Variants in LRBA observed in about 807,000 individuals in gnomAD.
LRBA encodes the protein lipopolysaccharide-responsive and beige-like anchor protein.
LRBA carries 176 observed loss-of-function variants against 330.0 expected under a neutral mutation model. That is an observed-to-expected ratio of 0.53 (90% CI 0.47 to 0.60). LRBA has a LOEUF of 0.60. Ranked by LOEUF, LRBA falls within the 20% of genes least tolerant of loss-of-function variation. The probability of loss-of-function intolerance (pLI) is 0.00; values close to 1 mark genes in which losing one functional copy is unlikely to be tolerated. For synonymous variants in LRBA, 1,230 were observed against 1,193.0 expected, an observed-to-expected ratio of 1.03 and a Z score of -0.64; for missense variants, 3,259 against 3,444.8, an observed-to-expected ratio of 0.95 and a Z score of 1.35.
intron 44 of LRBA, among the ~76,000 whole-genome samples, chr4:150,445,377 C>CTCTCTCTCTATATA (rs1454079183): frequency 1.3e-5 from 1 of 78,632 alleles, no homozygotes; most frequent in African/African-American, 4.4e-5. Context: ...CTCTCTCTCT[C>CTCTCTCTCTATATA]TATATATATA....
In LRBA at chr4:150,687,295, T is replaced by C. The variant is rs548590159; in HGVS notation, c.5755-3578A>G. ...TCTAGAATCAAATACATATTATTTA[T>C]TTGTAGTATACATATTTGTGTATGT... On this transcript the variant is annotated intron_variant, in intron 36 of 56. Transcript: ENST00000651943. Among the ~76,000 whole-genome samples, 3 of 152,218 alleles carry C rather than the reference T, an allele frequency of 2.0e-5. No individual in the cohort carries two copies. In the East Asian group the frequency reaches 5.8e-4, roughly 29 times the overall value.
rs1379031854 is a variant in LRBA at position 150,908,816 on chromosome 4, A to G, written c.1203T>C (p.Ala401=). The G allele has an allele frequency of 6.2e-7, 1 of 1,613,766 alleles. No homozygotes were observed. The highest frequency in any genetic ancestry group is 8.5e-7 in the Non-Finnish European group (1 of 1,179,832). The change falls in exon 10 of 57, where the codon GCT becomes GCC. Residue 401 remains alanine (A), a synonymous_variant. Transcript: ENST00000651943. The part of the protein sequence containing the change: ...KFKAESDLFL[A]EHHKLLLYDG... Reference sequence around the variant, plus strand: ...CGTACAATAAAAGTTTGTGATGCTCAGCAAGGAAAAGGTCGCTTTCTGCTT... The same window carrying G: ...CGTACAATAAAAGTTTGTGATGCTCGGCAAGGAAAAGGTCGCTTTCTGCTT...
intron 2 of LRBA, among the ~76,000 whole-genome samples, chr4:150,960,978 A>C (rs1308830140): frequency 6.7e-6 from 1 of 149,268 alleles, no homozygotes; most frequent in Admixed American, 6.6e-5. Flanking sequence ...AAACAGTAAC[A>C]GTGCTCTCAA....
intron 34 of LRBA, among the ~76,000 whole-genome samples, chr4:150,769,226 T>C (rs1257109234): frequency 6.6e-6 from 1 of 151,646 alleles, no homozygotes; most frequent in Admixed American, 6.6e-5. Context: ...ATTACAGGAG[T>C]GAGCCACCAT....
chr4:150,721,823 G>A (rs1318981885), intron 36 of LRBA, among the ~76,000 whole-genome samples: 1 of 152,048 alleles, frequency 6.6e-6, no homozygotes, highest in African/African-American at 2.4e-5. Flanking sequence ...CATCTTGTTG[G>A]CCAGGCTGGT....
At chr4:150,368,407 C>T (rs976593018) in intron 47 of LRBA, among the ~76,000 whole-genome samples, 1 of 152,172 alleles carries the variant, frequency 6.6e-6, no homozygotes, top group African/African-American at 2.4e-5. Context: ...CATATGGCAT[C>T]ACATTATCAC....
intron 37 of LRBA, among the ~76,000 whole-genome samples, chr4:150,603,003 T>C (rs1561411980): frequency 2.0e-5 from 3 of 152,198 alleles, no homozygotes; most frequent in South Asian, 2.1e-4. Context: ...CCAAAAGTTA[T>C]ATTAATACTA....
At chr4:150,350,227 G>A (rs1736952435) in intron 47 of LRBA, 68 bp from the exon 48 acceptor site, 5 of 1,227,310 alleles carry the variant, frequency 4.1e-6, no homozygotes, top group Admixed American at 2.6e-5. Flanking sequence ...GACATTTAGA[G>A]CAATCAGTAA....
chr4:150,754,474 G>A (rs554404477), intron 35 of LRBA, among the ~76,000 whole-genome samples: 2 of 141,534 alleles, frequency 1.4e-5, no homozygotes, highest in African/African-American at 5.2e-5. Flanking sequence ...ATGAGCCCAG[G>A]AGCTAAGCGG....
chr4:150,656,780 T>C (rs1291892661), intron 37 of LRBA, among the ~76,000 whole-genome samples: 5 of 152,176 alleles, frequency 3.3e-5, no homozygotes, highest in African/African-American at 9.7e-5. Context: ...AGATATTCAG[T>C]GCTTAGAACA....
At position 150,892,755 on chromosome 4, in the gene LRBA, A is replaced by G. The variant is rs556272056; in HGVS notation, c.2165+297T>C. Among the ~76,000 whole-genome samples, 5 of 152,346 alleles carry G rather than the reference A, an allele frequency of 3.3e-5. No homozygotes were observed. The East Asian group carries it at 9.6e-4, about 29-fold the overall frequency. ...CTATTTAATACTATCTAGGACCTAA[A>G]GATAATTCTGCTAAAGAAGTCAACA... is the stretch of plus-strand genomic sequence containing the variant. On this transcript the variant is annotated intron_variant, in intron 17 of 56. Transcript: ENST00000651943.
In LRBA at chr4:150,852,571, C is replaced by A; in HGVS notation, c.3139G>T (p.Asp1047Tyr). ...ATTATGTCAGAAGATACTTCTAAAT[C>A]ATCTGCATTCCTTGTCTCATTTGTC... ...TLTNETRNAD[D>Y]LEVSSDIIEA... The change falls in exon 23 of 57, where the codon GAT becomes TAT. Residue 1047 changes from aspartate to tyrosine, a missense_variant. Coordinates refer to ENST00000651943, the MANE Select transcript of LRBA (RefSeq NM_001364905.1). The A allele has an allele frequency of 6.2e-7, 1 of 1,613,914 alleles. No individual in the cohort carries two copies. The highest frequency in any genetic ancestry group is 8.5e-7 in the Non-Finnish European group (1 of 1,179,982).
At chr4:150,387,998 A>AG (rs779525302) in intron 47 of LRBA, among the ~76,000 whole-genome samples, 97 of 152,348 alleles carry the variant, frequency 6.4e-4, no homozygotes, top group Non-Finnish European at 1.2e-3. Context: ...ATAATAAAAT[A>AG]CCTCAGATTG....
At chr4:150,703,511 C>T (rs183670887) in intron 36 of LRBA, among the ~76,000 whole-genome samples, 1 of 152,124 alleles carries the variant, frequency 6.6e-6, no homozygotes, top group Non-Finnish European at 1.5e-5. Flanking sequence ...TAAAACAGAA[C>T]CTTTTATAAA....
chr4:150,675,541 A>AC lies in LRBA; in HGVS notation c.5921+8009dup, dbSNP rs138192538. On this transcript the variant is annotated intron_variant, in intron 37 of 56. Coordinates refer to ENST00000651943, the MANE Select transcript of LRBA (RefSeq NM_001364905.1). ...AGACCAGCCTGGCGAACATGGTGAA[A>AC]CCCCGTCTCTACTACAAATACAAAA... is the stretch of plus-strand genomic sequence containing the variant. 7.4e-3 allele frequency among the ~76,000 whole-genome samples: 1,126 copies of AC among 151,998 alleles called. 11 individuals carry two copies. The highest frequency in any genetic ancestry group is 0.026 in the African/African-American group (1,067 of 41,464).
intron 35 of LRBA, among the ~76,000 whole-genome samples, chr4:150,736,750 C>T (rs1443735389): frequency 6.6e-6 from 1 of 152,088 alleles, no homozygotes; most frequent in Non-Finnish European, 1.5e-5. Flanking sequence ...TGGAGTGCTA[C>T]AAAACCCAAG....
rs1355496250 is a variant in LRBA at position 150,611,897 on chromosome 4, CTCTCTCTCTCTT to C, written c.5922-12778_5922-12767del. 2.6e-5 allele frequency among the ~76,000 whole-genome samples: 4 copies of C among 151,812 alleles called. No homozygotes were observed. The East Asian group carries it at 7.7e-4, about 29-fold the overall frequency. ...TACAGAACCTTTATTTCTACGCGCT[CTCTCTCTCTCTT>C]TCTCTCTCTCTAAGACAAGGCCTCA... On this transcript the variant is annotated intron_variant, in intron 37 of 56. Coordinates refer to ENST00000651943, the MANE Select transcript of LRBA (RefSeq NM_001364905.1).
At chr4:150,707,026 C>A (rs527665026) in intron 36 of LRBA, among the ~76,000 whole-genome samples, 128 of 151,570 alleles carry the variant, frequency 8.4e-4, no homozygotes, top group African/African-American at 2.9e-3. Context: ...GTTTAAAAAG[C>A]AAAATACAGA....
intron 9 of LRBA, among the ~76,000 whole-genome samples, chr4:150,913,520 G>C (rs1362348860): frequency 6.6e-6 from 1 of 152,152 alleles, no homozygotes; most frequent in Non-Finnish European, 1.5e-5. Context: ...GTTTCATCGA[G>C]TGTTATGTAT....
Sources: allele counts gnomAD v4.1 joint callset (sites outside exome capture counted in the v4.1 genomes callset), GRCh38; gene constraint gnomAD v4.1.1; transcripts MANE v1.5; gene names NCBI Gene and HGNC (gene_info 2026-07-23, HGNC 2026-07-21).